The following PDE4D variants were observed in gnomAD, a reference collection of about 807,000 sequenced individuals.
The protein encoded by PDE4D is 3',5'-cyclic-AMP phosphodiesterase 4D.
PDE4D carries 24 observed loss-of-function variants against 87.4 expected under a neutral mutation model. The ratio of observed to expected loss-of-function variants is 0.27; its 90% CI spans 0.20 to 0.39. The LOEUF (loss-of-function observed/expected upper bound fraction) is 0.39, where lower values mean the gene tolerates loss of function less well. PDE4D is among the 10% of genes least tolerant of loss of function. The pLI is 1.00. For synonymous variants in PDE4D, 384 were observed against 383.2 expected (o/e 1.00, Z -0.02); for missense variants, 714 against 1,041.0 (o/e 0.69, Z 4.32).
intron 6 of PDE4D, among the ~76,000 whole-genome samples, chr5:58,997,856 G>A (rs1749588516): frequency 6.6e-6 from 1 of 152,016 alleles, no homozygotes; most frequent in African/African-American, 2.4e-5. Context: ...GATTGTTCAG[G>A]AAGCAAACTA....
chr5:58,999,565 A>ATGTG lies in PDE4D; in HGVS notation c.922-6101_922-6100insCACA, dbSNP rs755645851. The ATGTG allele has an allele frequency of 5.0e-6, 6 of 1,195,432 alleles. No homozygotes were observed. The South Asian group carries it at 1.4e-4, about 28-fold the overall frequency. The allele number at this position is 1,195,432 out of a possible 1,614,324, so 74.1% of individuals were successfully genotyped here. On this transcript the variant is annotated intron_variant, in intron 6 of 14. Coordinates refer to ENST00000340635, the MANE Select transcript of PDE4D (RefSeq NM_001104631.2). Reference sequence around the variant, plus strand: ...TGATTGATTATATGTATATATATATATATGTATATATATAGTAAGCTCTAA... The same window carrying ATGTG: ...TGATTGATTATATGTATATATATATATGTGTATGTATATATATAGTAAGCTCTAA...
intron 5 of PDE4D, among the ~76,000 whole-genome samples, chr5:59,167,602 C>T (rs1004959730): frequency 2.6e-5 from 4 of 152,152 alleles, no homozygotes; most frequent in African/African-American, 9.7e-5. Flanking sequence ...CTGTAGGCAG[C>T]TTCTTAGCTC....
chr5:59,672,274 G>C (rs1180656763), intron 1 of PDE4D, among the ~76,000 whole-genome samples: 3 of 152,186 alleles, frequency 2.0e-5, no homozygotes, highest in Non-Finnish European at 2.9e-5. Context: ...AAAGTGAAGA[G>C]AGGCCAAATC....
At chr5:59,382,188 C>T (rs1457353803) in intron 1 of PDE4D, among the ~76,000 whole-genome samples, 1 of 152,258 alleles carries the variant, frequency 6.6e-6, no homozygotes, top group South Asian at 2.1e-4. Flanking sequence ...CAAATACAAA[C>T]ACTGCATAGA....
At chr5:60,272,778 AATTAT>A (rs1337024384) in intron 1 of PDE4D, among the ~76,000 whole-genome samples, 1 of 152,214 alleles carries the variant, frequency 6.6e-6, no homozygotes, top group African/African-American at 2.4e-5. Context: ...GCCCTTTAAA[AATTAT>A]ATTATAATAC....
At chr5:59,552,155 G>A (rs1818227275) in intron 1 of PDE4D, among the ~76,000 whole-genome samples, 1 of 152,166 alleles carries the variant, frequency 6.6e-6, no homozygotes, top group African/African-American at 2.4e-5. Context: ...GGAGGTGAAG[G>A]TTGCAGTGAG....
chr5:59,648,185 A>G (rs1742790109), intron 1 of PDE4D, among the ~76,000 whole-genome samples: 1 of 152,188 alleles, frequency 6.6e-6, no homozygotes, highest in Non-Finnish European at 1.5e-5. Flanking sequence ...AGTCCCACCC[A>G]CACATCACGA....
At chr5:59,855,901 T>C (rs1745355215) in intron 1 of PDE4D, among the ~76,000 whole-genome samples, 2 of 152,162 alleles carry the variant, frequency 1.3e-5, no homozygotes, top group Non-Finnish European at 1.5e-5. Flanking sequence ...TGCCCTTGGA[T>C]TGAACAAAAA....
At chr5:60,285,938 T>A (rs1752378134) in intron 1 of PDE4D, among the ~76,000 whole-genome samples, 1 of 152,208 alleles carries the variant, frequency 6.6e-6, no homozygotes, top group Non-Finnish European at 1.5e-5. Flanking sequence ...TGAAAAGCAT[T>A]CTAAAATGTT....
chr5:59,988,965 T>C lies in PDE4D; in HGVS notation c.43-248A>G, dbSNP rs1359350380. Among the ~76,000 whole-genome samples, 24 of 151,868 alleles carry C rather than the reference T, an allele frequency of 1.6e-4. 1 individual carries two copies. The highest frequency in any genetic ancestry group is 1.6e-3 in the Admixed American group (24 of 15,224). Reference sequence around the variant, plus strand: ...CAGTTAACTAACATCTTCAGTAATCTTAGAATTTATTAGCTTTGTGTGTGA... The same window carrying C: ...CAGTTAACTAACATCTTCAGTAATCCTAGAATTTATTAGCTTTGTGTGTGA... On this transcript the variant is annotated intron_variant, in intron 2 of 16. Transcript: ENST00000502484.
chr5:59,017,947 C>CTACACT (rs1754373975), intron 6 of PDE4D, among the ~76,000 whole-genome samples: 1 of 152,182 alleles, frequency 6.6e-6, no homozygotes, highest in South Asian at 2.1e-4. Context: ...GCATAGGCTT[C>CTACACT]TCTAGTTGGC....
At chr5:59,438,124 C>A (rs1322949419) in intron 1 of PDE4D, among the ~76,000 whole-genome samples, 2 of 152,062 alleles carry the variant, frequency 1.3e-5, no homozygotes, top group African/African-American at 4.8e-5. Flanking sequence ...GGATTGTTGG[C>A]TGAACTATAA....
intron 1 of PDE4D, among the ~76,000 whole-genome samples, chr5:60,458,168 T>G (rs966531112): frequency 6.6e-6 from 1 of 152,036 alleles, no homozygotes; most frequent in East Asian, 1.9e-4. Flanking sequence ...GTGGATCACT[T>G]GAGGCCAGGA....
intron 1 of PDE4D, among the ~76,000 whole-genome samples, chr5:59,550,303 C>T (rs1463557205): frequency 2.6e-5 from 4 of 151,770 alleles, no homozygotes; most frequent in Non-Finnish European, 5.9e-5. Context: ...CATTTTTTTT[C>T]TTGGCACATT....
intron 1 of PDE4D, among the ~76,000 whole-genome samples, chr5:59,757,601 A>G (rs1283454776): frequency 6.6e-6 from 1 of 152,154 alleles, no homozygotes; most frequent in Non-Finnish European, 1.5e-5. Context: ...AGAGCCTGTG[A>G]GTCAGGCCAG....
chr5:60,258,395 C>G (rs957688615), intron 1 of PDE4D, among the ~76,000 whole-genome samples: 1 of 151,708 alleles, frequency 6.6e-6, no homozygotes, highest in Non-Finnish European at 1.5e-5. Context: ...AAAAAATACC[C>G]TCAGAAATTA....
intron 1 of PDE4D, among the ~76,000 whole-genome samples, chr5:59,659,266 T>A (rs1744862329): frequency 6.6e-6 from 1 of 152,230 alleles, no homozygotes; most frequent in Non-Finnish European, 1.5e-5. Flanking sequence ...AAATAGTGTC[T>A]TAATTTTCTT....
At chr5:59,591,040 G>A (rs1261309049) in intron 1 of PDE4D, among the ~76,000 whole-genome samples, 1 of 152,074 alleles carries the variant, frequency 6.6e-6, no homozygotes, top group South Asian at 2.1e-4. Context: ...TCAGCTGAGG[G>A]GCAAGGTACT....
intron 1 of PDE4D, among the ~76,000 whole-genome samples, chr5:59,625,705 T>C (rs1378439133): frequency 6.6e-6 from 1 of 152,206 alleles, no homozygotes; most frequent in Non-Finnish European, 1.5e-5. Flanking sequence ...AAGTGTAAAT[T>C]AGAAAACATA....
Sources: allele counts gnomAD v4.1 joint callset (sites outside exome capture counted in the v4.1 genomes callset), GRCh38; gene constraint gnomAD v4.1.1; transcripts MANE v1.5; gene names NCBI Gene and HGNC (gene_info 2026-07-23, HGNC 2026-07-21).